EQTN: variants seen among roughly 807,000 people sequenced by gnomAD.
The protein encoded by EQTN is Acrosome formation associated factor.
In EQTN, 29 loss-of-function variants were observed where a neutral mutation model predicts 26.9. The observed-to-expected ratio is 1.08, with a 90% CI of 0.80 to 1.47. EQTN has a LOEUF of 1.47. EQTN is among the 40% of genes most tolerant of loss of function. The pLI is 0.00. For synonymous variants in EQTN, 129 were observed against 120.0 expected, an observed-to-expected ratio of 1.07 and a Z score of -0.49; for missense variants, 391 against 346.1, an observed-to-expected ratio of 1.13 and a Z score of -1.03.
At chr9:27,292,811 T>A (rs1820264777) in intron 3 of EQTN, among the ~76,000 whole-genome samples, 1 of 152,174 alleles carries the variant, frequency 6.6e-6, no homozygotes, top group South Asian at 2.1e-4. Context: ...TCCAGATGGT[T>A]CCCTGCACAG....
intron 6 of EQTN, among the ~76,000 whole-genome samples, chr9:27,287,747 T>A (rs1820150896): frequency 6.6e-6 from 1 of 152,240 alleles, no homozygotes. Flanking sequence ...AGCCAGCATT[T>A]GTCATTCCTG....
intron 4 of EQTN, chr9:27,292,132 G>A (rs372189677): frequency 9.3e-5 from 19 of 204,942 alleles, no homozygotes; most frequent in Non-Finnish European, 1.6e-4. Flanking sequence ...TTGTAAGTAC[G>A]TATTTAATAT....
In EQTN at chr9:27,296,985, A is replaced by G; in HGVS notation, c.71T>C (p.Ile24Thr). The change falls in exon 1 of 8, where the codon ATT becomes ACT. Residue 24 changes from isoleucine (I) to threonine (T), a missense_variant. Coordinates refer to ENST00000380032, the MANE Select transcript of EQTN (RefSeq NM_020641.3). ...AGTTTTAAATGCTCTCTCACCTTCAATAGTAGGCTTCAAAGTGCTACTTTT... is the reference window on the plus strand; with the variant it reads ...AGTTTTAAATGCTCTCTCACCTTCAGTAGTAGGCTTCAAAGTGCTACTTTT... The part of the protein sequence containing the change: ...SLKSSTLKPT[I>T]EALPNVLPLN... 6 of 1,612,374 alleles carry G rather than the reference A, an allele frequency of 3.7e-6. No homozygotes were observed. Among genetic ancestry groups the G allele is most frequent in the Non-Finnish European group, 5.1e-6 (6 of 1,179,330 alleles).
chr9:27,289,140 A>G (rs894766218), intron 6 of EQTN, among the ~76,000 whole-genome samples: 6 of 152,164 alleles, frequency 3.9e-5, no homozygotes, highest in Non-Finnish European at 8.8e-5. Flanking sequence ...TTTTCTTTAA[A>G]CCCAAAACTG....
At chr9:27,296,500 A>G (rs1820346167) in intron 2 of EQTN, 113 bp downstream of exon 2, 3 of 775,494 alleles carry the variant, frequency 3.9e-6, no homozygotes, top group Middle Eastern at 3.9e-4. Context: ...AGAAGTAGAA[A>G]TAAAATACCC....
intron 2 of EQTN, chr9:27,294,627 C>T (rs1820301609): frequency 3.3e-6 from 1 of 307,094 alleles, no homozygotes. Context: ...ATGACCCTTT[C>T]CAAGAAGCAA....
At chr9:27,286,101 A>G in intron 7 of EQTN, 108 bp downstream of exon 7, 1 of 1,084,656 alleles carries the variant, frequency 9.2e-7, no homozygotes. Context: ...TGAATGTCGT[A>G]TGGATGAATT....
chr9:27,295,445 T>TGTTAGACACTTGGC (rs1391772749), intron 2 of EQTN, among the ~76,000 whole-genome samples: 1 of 152,220 alleles, frequency 6.6e-6, no homozygotes, highest in Non-Finnish European at 1.5e-5. Context: ...AGGGACTTGG[T>TGTTAGACACTTGGC]GTTAGACACT....
At chr9:27,286,701 C>A (rs572327695) in intron 6 of EQTN, among the ~76,000 whole-genome samples, 4 of 152,286 alleles carry the variant, frequency 2.6e-5, no homozygotes, top group South Asian at 4.1e-4. Context: ...ATATAGCAGA[C>A]TTTCTCTGAT....
intron 4 of EQTN, 120 bp from the exon 5 acceptor site, chr9:27,291,183 A>G: frequency 1.2e-6 from 1 of 826,444 alleles, no homozygotes; most frequent in Non-Finnish European, 1.8e-6. Flanking sequence ...AGCTCCTATA[A>G]TGTGTCAGAC....
chr9:27,286,525 T>C (rs566680423), intron 6 of EQTN, among the ~76,000 whole-genome samples, 163 bp from the exon 7 acceptor site: 1 of 152,342 alleles, frequency 6.6e-6, no homozygotes, highest in East Asian at 1.9e-4. Context: ...AGCTACTCTC[T>C]AAAGCCAAGC....
At chr9:27,296,427 T>C (rs1387348809) in intron 2 of EQTN, among the ~76,000 whole-genome samples, 186 bp downstream of exon 2, 1 of 152,098 alleles carries the variant, frequency 6.6e-6, no homozygotes, top group African/African-American at 2.4e-5. Context: ...AAAAGAGCCC[T>C]TAAAAAGAAA....
At position 27,290,916 on chromosome 9, in the gene EQTN, G is replaced by T; in HGVS notation, c.421+103C>A. ...CTATTACATGTGGCAACAAAATGTT[G>T]ACTTATTGTCTCAGTATTAGAGGTA... is the stretch of plus-strand genomic sequence containing the variant. On this transcript the variant is annotated intron_variant, in intron 5 of 7. Transcript: ENST00000380032. 3.4e-6 allele frequency: 3 copies of T among 893,874 alleles called. No homozygotes were observed. In the South Asian group the frequency reaches 7.4e-5, roughly 22 times the overall value. The allele number at this position is 893,874 out of a possible 1,614,324, so 55.4% of individuals were successfully genotyped here. A position where few individuals can be genotyped will look rare whatever the true frequency, so the allele number is the denominator to read the frequency against.
rs992995892 is a variant in EQTN, at chr9:27,286,126, T to G, written c.635+83A>C. On this transcript the variant is annotated intron_variant, in intron 7 of 7. Transcript: ENST00000380032. ...ATGGATGAATTCAGAGGTCACATAT[T>G]CCTAAGAATCTACTAAAGAGAGGAG... 15 of 1,359,490 alleles carry G rather than the reference T, an allele frequency of 1.1e-5. No homozygotes were observed. In the African/African-American group the frequency reaches 2.1e-4, roughly 19 times the overall value. 84.2% of individuals were successfully genotyped at this position (1,359,490 alleles called of 1,614,324 possible).
chr9:27,286,214 A>C lies in EQTN; in HGVS notation c.630T>G (p.His210Gln), dbSNP rs1820117056. The change falls in exon 7 of 8, where the codon CAT becomes CAG. Residue 210 changes from histidine (H) to glutamine (Q), a missense_variant. Transcript: ENST00000380032. ...GCAGAGGTCTGCAGACTTACCTCAG[A>C]TGCCTCAGTTTGTACAGTGTAGCAC... The part of the protein sequence containing the change: ...FCSATLYKLR[H>Q]LSYKSCESQY... 6.2e-7 allele frequency: 1 copy of C among 1,613,732 alleles called. No individual in the cohort carries two copies. The highest frequency in any genetic ancestry group is 1.3e-5 in the African/African-American group (1 of 74,930).
At chr9:27,293,843 T>C (rs1039406489) in intron 3 of EQTN, among the ~76,000 whole-genome samples, 4 of 152,222 alleles carry the variant, frequency 2.6e-5, no homozygotes, top group East Asian at 3.9e-4. Flanking sequence ...AGTAGCTTTG[T>C]TAATAATTAG....
Position 27,289,699 on chromosome 9 carries a change from T to C in EQTN, c.454A>G (p.Lys152Glu), listed in dbSNP as rs1820192116. The C allele has an allele frequency of 6.2e-7, 1 of 1,608,478 alleles. No homozygotes were observed. The highest frequency in any genetic ancestry group is 1.3e-5 in the African/African-American group (1 of 74,862). Residue 152 changes from lysine to glutamate, a missense_variant, in exon 6 of 8, where the codon AAA becomes GAA. Coordinates refer to ENST00000380032, the MANE Select transcript of EQTN (RefSeq NM_020641.3). ...GGAATTGGGTGAAATAATTGATCTT[T>C]ATCATCCATGACCACTGCTGTTCCA... The part of the protein sequence containing the change: ...INGTAVVMDD[K>E]DQLFHPIPES...
intron 2 of EQTN, 29 bp downstream of exon 2, chr9:27,296,584 A>G: frequency 7.3e-7 from 1 of 1,374,412 alleles, no homozygotes; most frequent in Non-Finnish European, 1.0e-6. Context: ...ACTTTTGCAT[A>G]TACATTTCTA....
chr9:27,288,181 T>C (rs1465323762), intron 6 of EQTN, among the ~76,000 whole-genome samples: 2 of 152,150 alleles, frequency 1.3e-5, no homozygotes, highest in East Asian at 3.8e-4. Flanking sequence ...CTTAGATATA[T>C]CATCATGCTA....
Sources: allele counts gnomAD v4.1 joint callset (sites outside exome capture counted in the v4.1 genomes callset), GRCh38; gene constraint gnomAD v4.1.1; transcripts MANE v1.5; gene names NCBI Gene and HGNC (gene_info 2026-07-23, HGNC 2026-07-21).